CNTN5: variants seen among roughly 807,000 people sequenced by gnomAD.
CNTN5 encodes the protein contactin-5.
CNTN5 carries 77 observed loss-of-function variants against 129.1 expected under a neutral mutation model. The observed-to-expected ratio is 0.60, with a 90% CI of 0.50 to 0.72. The LOEUF (loss-of-function observed/expected upper bound fraction) is 0.72. Among genes scored for constraint, CNTN5 ranks in the 30% least tolerant of loss-of-function variants. CNTN5 has a pLI of 0.00. For missense variants in CNTN5, 1,478 were observed against 1,328.8 expected, an observed-to-expected ratio of 1.11 and a Z score of -1.75; for synonymous variants, 509 against 465.6, an observed-to-expected ratio of 1.09 and a Z score of -1.20.
chr11:99,688,084 T>A (rs1327619243), intron 3 of CNTN5, among the ~76,000 whole-genome samples: 2 of 152,204 alleles, frequency 1.3e-5, no homozygotes, highest in African/African-American at 4.8e-5. Flanking sequence ...TGGATTCCCT[T>A]TGCGATATAT....
At chr11:100,136,041 C>A (rs144040563) in intron 13 of CNTN5, among the ~76,000 whole-genome samples, 1 of 152,184 alleles carries the variant, frequency 6.6e-6, no homozygotes, top group East Asian at 1.9e-4. Context: ...AAATGATACT[C>A]TCAATCTATA....
At chr11:99,257,047 C>G (rs1862406464) in intron 1 of CNTN5, among the ~76,000 whole-genome samples, 2 of 152,044 alleles carry the variant, frequency 1.3e-5, no homozygotes. Flanking sequence ...ATGACAGAGC[C>G]AGATTCAGAT....
At position 99,806,341 on chromosome 11, in the gene CNTN5, G is replaced by A. The variant is rs140618296; in HGVS notation, c.56-13203G>A. 1.5e-3 allele frequency among the ~76,000 whole-genome samples: 221 copies of A among 152,164 alleles called. 1 individual carries two copies. Among genetic ancestry groups the A allele is most frequent in the African/African-American group, 5.0e-3 (207 of 41,522 alleles). ...GTCCTTATCCCCTAAAAAAATAAAT[G>A]AAGTGTGTCAGCTAATATGAATCCC... is the stretch of plus-strand genomic sequence containing the variant. On this transcript the variant is annotated intron_variant, in intron 3 of 24. Transcript: ENST00000524871.
chr11:100,291,550 T>C (rs1298786775), intron 18 of CNTN5, among the ~76,000 whole-genome samples: 2 of 150,854 alleles, frequency 1.3e-5, no homozygotes, highest in Non-Finnish European at 1.5e-5. Context: ...TAGGTGGGAA[T>C]TGAACAATGA....
intron 2 of CNTN5, among the ~76,000 whole-genome samples, chr11:99,446,418 T>G (rs191141819): frequency 3.4e-4 from 52 of 152,350 alleles, no homozygotes; most frequent in Non-Finnish European, 5.0e-4. Context: ...CTTGGTTAGT[T>G]CAGTATCACC....
At chr11:99,963,733 A>G (rs540955159) in intron 8 of CNTN5, among the ~76,000 whole-genome samples, 2 of 152,306 alleles carry the variant, frequency 1.3e-5, no homozygotes, top group African/African-American at 2.4e-5. Context: ...CATTGAATCT[A>G]TAAATTACCT....
chr11:99,856,013 A>G (rs1234492295), intron 6 of CNTN5, among the ~76,000 whole-genome samples: 1 of 152,208 alleles, frequency 6.6e-6, no homozygotes, highest in Non-Finnish European at 1.5e-5. Context: ...GGCTAAACTG[A>G]TAATTTTCCC....
chr11:99,243,387 A>C (rs1443353658), intron 1 of CNTN5, among the ~76,000 whole-genome samples: 1 of 151,820 alleles, frequency 6.6e-6, no homozygotes, highest in African/African-American at 2.4e-5. Flanking sequence ...GTTTGTGAAT[A>C]TTTTCTTCCA....
intron 1 of CNTN5, among the ~76,000 whole-genome samples, chr11:99,132,559 C>G (rs878956184): frequency 6.6e-6 from 1 of 152,144 alleles, no homozygotes; most frequent in African/African-American, 2.4e-5. Flanking sequence ...AGTAAAGTCT[C>G]AGGATACACA....
chr11:99,362,034 C>T (rs1939146045), intron 2 of CNTN5, among the ~76,000 whole-genome samples: 1 of 152,088 alleles, frequency 6.6e-6, no homozygotes, highest in Admixed American at 6.5e-5. Context: ...TTGGGGGGAA[C>T]TTCCAAACTG....
intron 2 of CNTN5, among the ~76,000 whole-genome samples, chr11:99,451,262 TA>T (rs1944290555): frequency 6.6e-6 from 1 of 152,298 alleles, no homozygotes; most frequent in African/African-American, 2.4e-5. Context: ...AATATTTTCT[TA>T]GAATAACATT....
intron 18 of CNTN5, among the ~76,000 whole-genome samples, chr11:100,291,782 TAAATAAAAAATATAA>T (rs1565405972): frequency 2.9e-4 from 14 of 49,052 alleles, no homozygotes; most frequent in South Asian, 8.7e-4. Flanking sequence ...AATAAATAAA[TAAATAAAAAATATAA>T]ATAAATAAAA....
chr11:99,178,845 C>T (rs895514009), intron 1 of CNTN5, among the ~76,000 whole-genome samples: 2 of 151,774 alleles, frequency 1.3e-5, no homozygotes, highest in African/African-American at 2.4e-5. Flanking sequence ...GAAATATGTA[C>T]TTTGGAGTAG....
At chr11:100,090,523 CTCCCTTCCTTCCTTCCTTCCTTCCT>C (rs1944731502) in intron 13 of CNTN5, among the ~76,000 whole-genome samples, 1 of 91,218 alleles carries the variant, frequency 1.1e-5, no homozygotes, top group Non-Finnish European at 2.2e-5. Context: ...CCCTCCCTCC[CTCCCTTCCTTCCTTCCTTCCTTCCT>C]TCCCTCCCTC....
chr11:99,863,225 G>C (rs1235366329), intron 6 of CNTN5, among the ~76,000 whole-genome samples: 1 of 151,990 alleles, frequency 6.6e-6, no homozygotes, highest in Admixed American at 6.6e-5. Flanking sequence ...TATAATGAAA[G>C]AGATGGAAAA....
At chr11:99,137,425 C>T (rs986553575) in intron 1 of CNTN5, among the ~76,000 whole-genome samples, 17 of 152,066 alleles carry the variant, frequency 1.1e-4, no homozygotes, top group Admixed American at 5.2e-4. Context: ...ATTGCTCTCT[C>T]TTTCATTTAT....
At chr11:99,135,151 C>A (rs1384891159) in intron 1 of CNTN5, among the ~76,000 whole-genome samples, 1 of 152,102 alleles carries the variant, frequency 6.6e-6, no homozygotes, top group Non-Finnish European at 1.5e-5. Flanking sequence ...GGCTAATCAG[C>A]AAGAAGTAAG....
At chr11:100,241,969 GCTTTCATCAAATGTTTGCCT>G (rs1171096583) in intron 16 of CNTN5, among the ~76,000 whole-genome samples, 3 of 152,150 alleles carry the variant, frequency 2.0e-5, no homozygotes, top group Non-Finnish European at 4.4e-5. Context: ...GCCTTTGAGA[GCTTTCATCAAATGTTTGCCT>G]TATCGTTTCA....
At chr11:99,458,995 G>A (rs763163980) in intron 2 of CNTN5, among the ~76,000 whole-genome samples, 11 of 152,010 alleles carry the variant, frequency 7.2e-5, no homozygotes, top group Admixed American at 2.6e-4. Flanking sequence ...AGTCAGCTTT[G>A]TAAGTTAGGC....
Sources: gnomAD v4.1 joint callset for allele counts (sites outside exome capture counted in the v4.1 genomes callset) on GRCh38, gnomAD v4.1.1 for gene constraint, MANE v1.5 for transcripts, NCBI Gene and HGNC (gene_info 2026-07-23, HGNC 2026-07-21) for gene names.